The following CYB5D2 variants were observed in gnomAD, a reference collection of about 807,000 sequenced individuals.
The protein encoded by CYB5D2 is cytochrome b5 domain containing 2.
A neutral mutation model predicts 22.8 loss-of-function variants in CYB5D2; 23 were observed. The observed-to-expected ratio is 1.01, with a 90% CI of 0.73 to 1.43. The LOEUF (loss-of-function observed/expected upper bound fraction) is 1.43, where lower values mean the gene tolerates loss of function less well. Among genes scored for constraint, CYB5D2 ranks in the 40% most tolerant of loss-of-function variants. CYB5D2 has a pLI of 0.00. For missense variants in CYB5D2, 373 were observed against 357.2 expected, an observed-to-expected ratio of 1.04 and a Z score of -0.36; for synonymous variants, 170 against 152.2, an observed-to-expected ratio of 1.12 and a Z score of -0.86.
chr17:4,150,131 A>C, intron 2 of CYB5D2, 100 bp downstream of exon 2: 1 of 1,440,576 alleles, frequency 6.9e-7, no homozygotes. Context: ...AATCTGAAAA[A>C]CAGCCATGGA....
In CYB5D2 at chr17:4,143,655, G is replaced by A. The variant is rs2058923127; in HGVS notation, c.-101G>A. Reference sequence around the variant, plus strand: ...AGCACTAGCGCGCGAGAGAGAGAGCGAGAGCGCGCGCGCCGATGACGTCAC... The same window carrying A: ...AGCACTAGCGCGCGAGAGAGAGAGCAAGAGCGCGCGCGCCGATGACGTCAC... On this transcript the variant is annotated 5_prime_UTR_variant, in exon 1 of 4. Coordinates refer to ENST00000301391, the MANE Select transcript of CYB5D2 (RefSeq NM_144611.4). 2 of 1,494,778 alleles carry A rather than the reference G, an allele frequency of 1.3e-6. No homozygotes were observed. The highest frequency in any genetic ancestry group is 1.8e-6 in the Non-Finnish European group (2 of 1,115,788). 92.6% of individuals were successfully genotyped at this position (1,494,778 alleles called of 1,614,324 possible).
intron 3 of CYB5D2, among the ~76,000 whole-genome samples, chr17:4,156,387 G>C (rs1289615069): frequency 1.3e-5 from 2 of 152,274 alleles, no homozygotes; most frequent in Non-Finnish European, 2.9e-5. Flanking sequence ...GGCCGACCCA[G>C]GTGGCCAAGG....
chr17:4,146,202 T>C (rs1311389373), intron 1 of CYB5D2, among the ~76,000 whole-genome samples: 1 of 151,988 alleles, frequency 6.6e-6, no homozygotes, highest in Non-Finnish European at 1.5e-5. Flanking sequence ...TTCAATATTC[T>C]TGTGCCCCAG....
rs543116909 is a variant in CYB5D2, at chr17:4,154,021, A to G, written c.392-653A>G. ...GTGGCAGGTGCTGCCTCTGAAGGGC[A>G]TTTGCACCTCAGGACTGGGCTACAT... On this transcript the variant is annotated intron_variant, in intron 2 of 3. Transcript: ENST00000301391. Among the ~76,000 whole-genome samples, 44 of 152,278 alleles carry G rather than the reference A, an allele frequency of 2.9e-4. No individual in the cohort carries two copies. In the South Asian group the frequency reaches 8.7e-3, roughly 30 times the overall value.
chr17:4,156,775 C>T (rs572181851), intron 3 of CYB5D2, 91 bp from the exon 4 acceptor site: 154 of 1,386,724 alleles, frequency 1.1e-4, no homozygotes, highest in Non-Finnish European at 1.4e-4. Flanking sequence ...TTCTACTTTT[C>T]AGAAGGCCTG....
chr17:4,145,092 G>C (rs2058972809), intron 1 of CYB5D2, among the ~76,000 whole-genome samples: 1 of 152,164 alleles, frequency 6.6e-6, no homozygotes, highest in Admixed American at 6.5e-5. Context: ...GGCCAGCCTA[G>C]TGCTTTTTTA....
chr17:4,144,482 A>C (rs2058957712), intron 1 of CYB5D2, among the ~76,000 whole-genome samples: 1 of 152,082 alleles, frequency 6.6e-6, no homozygotes, highest in African/African-American at 2.4e-5. Flanking sequence ...GTTTATGAGC[A>C]TGCATCAATA....
chr17:4,148,322 G>A (rs1017987812), intron 1 of CYB5D2, among the ~76,000 whole-genome samples: 1 of 152,168 alleles, frequency 6.6e-6, no homozygotes, highest in Admixed American at 6.5e-5. Flanking sequence ...TTCGAGACCA[G>A]CCTGGCCAAC....
Position 4,154,806 on chromosome 17 carries a change from G to A in CYB5D2, c.524G>A (p.Cys175Tyr). The A allele has an allele frequency of 1.2e-6, 2 of 1,614,202 alleles. No homozygotes were observed. The highest frequency in any genetic ancestry group is 1.7e-6 in the Non-Finnish European group (2 of 1,180,034). ...QLQEKQTFPP[C>Y]NAEWSSARGS... ...CAAGAGAAGCAGACATTCCCGCCGTGCAACGCGGAGTGGAGCTCAGCCAGG... is the reference window on the plus strand; with the variant it reads ...CAAGAGAAGCAGACATTCCCGCCGTACAACGCGGAGTGGAGCTCAGCCAGG... The change falls in exon 3 of 4, where the codon TGC (cysteine) becomes TAC (tyrosine). Residue 175 changes from cysteine to tyrosine, a missense_variant. Coordinates refer to ENST00000301391, the MANE Select transcript of CYB5D2 (RefSeq NM_144611.4).
At chr17:4,153,178 T>C (rs924338580) in intron 2 of CYB5D2, among the ~76,000 whole-genome samples, 1 of 152,160 alleles carries the variant, frequency 6.6e-6, no homozygotes, top group Non-Finnish European at 1.5e-5. Flanking sequence ...CAAACTGTGA[T>C]GTAATACGTT....
Position 4,143,689 on chromosome 17 carries a change from T to A in CYB5D2, c.-67T>A. 1 of 1,526,360 alleles carries A rather than the reference T, an allele frequency of 6.6e-7. No homozygotes were observed. Among genetic ancestry groups the A allele is most frequent in the East Asian group, 2.3e-5 (1 of 43,384 alleles). The allele number at this position is 1,526,360 out of a possible 1,614,324, so 94.6% of individuals were successfully genotyped here. A position where few individuals can be genotyped will look rare whatever the true frequency, so the allele number is the denominator to read the frequency against. On this transcript the variant is annotated 5_prime_UTR_variant, in exon 1 of 4. Coordinates refer to ENST00000301391, the MANE Select transcript of CYB5D2 (RefSeq NM_144611.4). ...CGCGCCGATGACGTCACGCTCGGCG[T>A]CTCGGCCATCTTAGCTGTAGATAGA...
At chr17:4,151,047 T>C (rs2059052230) in intron 2 of CYB5D2, 1 of 152,250 alleles carries the variant, frequency 6.6e-6, no homozygotes, top group Non-Finnish European at 1.5e-5. Context: ...AATTCTTTCC[T>C]TAATGCCTCT....
rs2304584 is a variant in CYB5D2 at position 4,154,747 on chromosome 17, C to T, written c.465C>T (p.Ile155=). The part of the protein sequence containing the change: ...TPALTQVEAA[I]TRGLEANKLQ... ...CACTGACCCAGGTAGAAGCTGCGATCACCAGAGGCTTGGAGGCCAACAAAC... is the reference window on the plus strand; with the variant it reads ...CACTGACCCAGGTAGAAGCTGCGATTACCAGAGGCTTGGAGGCCAACAAAC... Residue 155 remains isoleucine, a synonymous_variant, in exon 3 of 4, where the codon ATC becomes ATT. Transcript: ENST00000301391. 1.8e-3 allele frequency: 2,941 copies of T among 1,614,212 alleles called. 70 individuals carry two copies. In the East Asian group the frequency reaches 0.055, roughly 30 times the overall value.
chr17:4,156,141 G>C (rs1045776682), intron 3 of CYB5D2, among the ~76,000 whole-genome samples: 1 of 152,256 alleles, frequency 6.6e-6, no homozygotes, highest in Non-Finnish European at 1.5e-5. Flanking sequence ...ACCGGAAGCT[G>C]TCTGAGGCGT....
intron 3 of CYB5D2, among the ~76,000 whole-genome samples, 170 bp downstream of exon 3, chr17:4,155,030 T>C (rs1466326510): frequency 6.6e-6 from 1 of 152,196 alleles, no homozygotes; most frequent in East Asian, 1.9e-4. Context: ...TTCTGGGGAA[T>C]TGCCGAAATT....
At chr17:4,148,180 A>C (rs905826015) in intron 1 of CYB5D2, among the ~76,000 whole-genome samples, 1 of 152,072 alleles carries the variant, frequency 6.6e-6, no homozygotes, top group Non-Finnish European at 1.5e-5. Flanking sequence ...TTAGGCAGAA[A>C]ATAACAGGAC....
chr17:4,149,892 C>T lies in CYB5D2; in HGVS notation c.252C>T (p.Gly84=), dbSNP rs143079411. Reference sequence around the variant, plus strand: ...CTGATGGAAACATCTCTGTTCCAGGCCGAGACGCATCCAGAGCTTTCGTGA... The same window carrying T: ...CTGATGGAAACATCTCTGTTCCAGGTCGAGACGCATCCAGAGCTTTCGTGA... ...EPGSHYSGFA[G]RDASRAFVTG... The change falls in exon 2 of 4, where the codon GGC becomes GGT. Residue 84 remains glycine, a splice_region_variant and synonymous_variant. Coordinates refer to ENST00000301391, the MANE Select transcript of CYB5D2 (RefSeq NM_144611.4). 13 of 1,613,436 alleles carry T rather than the reference C, an allele frequency of 8.1e-6. No individual in the cohort carries two copies. Among genetic ancestry groups the T allele is most frequent in the Middle Eastern group, 3.3e-4 (2 of 6,078 alleles).
Position 4,157,028 on chromosome 17 carries a change from G to A in CYB5D2, c.741G>A (p.Leu247=). 2.5e-6 allele frequency: 4 copies of A among 1,612,684 alleles called. No homozygotes were observed. The highest frequency in any genetic ancestry group is 3.4e-6 in the Non-Finnish European group (4 of 1,180,014). Residue 247 remains leucine, a synonymous_variant, in exon 4 of 4, where the codon TTG becomes TTA. Transcript: ENST00000301391. This position sits in a 1 kb window ranked among gnomAD's most constrained non-coding sequence, Gnocchi z 4.4. ...RNRGDLDHPN[L]AEYTGCPPLA... ...GTGGGGACCTGGACCACCCAAACTT[G>A]GCAGAGTACACAGGCTGCCCACCGC... is the stretch of plus-strand genomic sequence containing the variant.
At chr17:4,144,030 TTC>T (rs774432173) in intron 1 of CYB5D2, 25 bp downstream of exon 1, 2 of 1,561,194 alleles carry the variant, frequency 1.3e-6, no homozygotes, top group South Asian at 1.2e-5. Context: ...GCTCACGCCT[TTC>T]TCTCCGCTGG....
Sources: allele counts gnomAD v4.1 joint callset (sites outside exome capture counted in the v4.1 genomes callset), GRCh38; gene constraint gnomAD v4.1.1; non-coding constraint Gnocchi (gnomAD v3.1); transcripts MANE v1.5; gene names NCBI Gene and HGNC (gene_info 2026-07-23, HGNC 2026-07-21).